GOLGA3: variants seen among roughly 807,000 people sequenced by gnomAD.
GOLGA3 encodes the protein golgin A3.
GOLGA3 carries 75 observed loss-of-function variants against 169.4 expected under a neutral mutation model. That is an observed-to-expected ratio of 0.44 (90% CI 0.37 to 0.54). The LOEUF is 0.54. Ranked by LOEUF, GOLGA3 falls within the 20% of genes least tolerant of loss-of-function variation. The pLI, the probability that GOLGA3 is intolerant of heterozygous loss-of-function variation, is 0.00. For missense variants in GOLGA3, 1,899 were observed against 1,930.0 expected, an observed-to-expected ratio of 0.98 and a Z score of 0.30; for synonymous variants, 824 against 822.4, an observed-to-expected ratio of 1.00 and a Z score of -0.03.
rs764198084 is a variant in GOLGA3 at position 132,801,899 on chromosome 12, C to T, written c.1668G>A (p.Thr556=). The stretch of plus-strand genomic sequence containing the variant: ...GCGACGCCTTCAGCTTGCTGGTCAG[C>T]GTCGTCCGCTCCAGCTGCACCTGCT... The part of the protein sequence containing the change: ...QLQQVQLERT[T]LTSKLKASQA... The change falls in exon 8 of 24, where the codon ACG becomes ACA. Residue 556 remains threonine, a synonymous_variant. Coordinates refer to ENST00000450791, the MANE Select transcript of GOLGA3 (RefSeq NM_001389683.1). 6.9e-6 allele frequency: 11 copies of T among 1,602,810 alleles called. No individual in the cohort carries two copies. Among genetic ancestry groups the T allele is most frequent in the African/African-American group, 4.0e-5 (3 of 74,950 alleles).
rs1857724757 is a variant in GOLGA3, at chr12:132,777,210, G to GC, written c.3723-121dup. The GC allele has an allele frequency of 7.6e-6, 8 of 1,057,234 alleles. No homozygotes were observed. Among genetic ancestry groups the GC allele is most frequent in the East Asian group, 7.4e-5 (3 of 40,422 alleles). 65.5% of individuals were successfully genotyped at this position (1,057,234 alleles called of 1,614,324 possible). ...CCTGGCAGGCCCTCTGCTGTGCACT[G>GC]CGTGCTGCAGCCATGCTTGGTGCCC... On this transcript the variant is annotated intron_variant, in intron 19 of 23. Coordinates refer to ENST00000450791, the MANE Select transcript of GOLGA3 (RefSeq NM_001389683.1). This position sits in a 1 kb window ranked among gnomAD's most constrained non-coding sequence, Gnocchi z 4.7.
chr12:132,774,279 G>C lies in GOLGA3; in HGVS notation c.4185C>G (p.Ala1395=), dbSNP rs776852800. Residue 1395 remains alanine (A), a synonymous_variant, in exon 23 of 24, where the codon GCC becomes GCG. Transcript: ENST00000450791. ...PKGEASSSNP[A]TPIKIPDCPV... ...GGCAGTCCGGGATCTTGATGGGCGT[G>C]GCAGGGTTGGAAGAGCTGGCCTCGC... is the stretch of plus-strand genomic sequence containing the variant. 9 of 1,612,860 alleles carry C rather than the reference G, an allele frequency of 5.6e-6. No homozygotes were observed. Among genetic ancestry groups the C allele is most frequent in the Non-Finnish European group, 4.2e-6 (5 of 1,180,036 alleles).
At chr12:132,826,465 G>A (rs774780413) in intron 1 of GOLGA3, among the ~76,000 whole-genome samples, 1 of 151,440 alleles carries the variant, frequency 6.6e-6, no homozygotes, top group Non-Finnish European at 1.5e-5. Flanking sequence ...AGCCAAAGAC[G>A]CTCAGGTTCC....
chr12:132,825,207 A>C (rs757639099), intron 1 of GOLGA3, among the ~76,000 whole-genome samples: 1 of 152,126 alleles, frequency 6.6e-6, no homozygotes, highest in South Asian at 2.1e-4. Flanking sequence ...CTACGCGTGC[A>C]GACCCTCCTG....
chr12:132,804,585 C>G lies in GOLGA3; in HGVS notation c.1597+131G>C. 1.4e-6 allele frequency: 1 copy of G among 732,444 alleles called. No individual in the cohort carries two copies. The highest frequency in any genetic ancestry group is 2.3e-6 in the Non-Finnish European group (1 of 441,596). 45.4% of individuals were successfully genotyped at this position (732,444 alleles called of 1,614,324 possible). On this transcript the variant is annotated intron_variant, in intron 7 of 23. Coordinates refer to ENST00000450791, the MANE Select transcript of GOLGA3 (RefSeq NM_001389683.1). The surrounding 1 kb of genome is among the most constrained non-coding windows in gnomAD (Gnocchi z 4.1). ...GAAGGAGGGAGCAGCGGGGACCAGTCGAGGAAGGAGGAGGGAGCAGCAAGG... is the reference window on the plus strand; with the variant it reads ...GAAGGAGGGAGCAGCGGGGACCAGTGGAGGAAGGAGGAGGGAGCAGCAAGG...
chr12:132,820,568 G>C (rs189509075), intron 2 of GOLGA3, among the ~76,000 whole-genome samples: 1 of 152,242 alleles, frequency 6.6e-6, no homozygotes, highest in East Asian at 1.9e-4. Flanking sequence ...TCATTTTACA[G>C]GAATTAGACT....
At chr12:132,814,755 G>A (rs768548095) in intron 3 of GOLGA3, among the ~76,000 whole-genome samples, 2 of 152,208 alleles carry the variant, frequency 1.3e-5, no homozygotes. Context: ...ACTCCAATCC[G>A]AGGTCATGCT....
rs772802956 is a variant in GOLGA3 at position 132,773,240 on chromosome 12, G to A, written c.4362C>T (p.His1454=). ...RQMEEHALTV[H]ESLSSWTPLE... is the part of the protein sequence containing the mutation. ...GCGGCGTCCACGAGGACAGAGACTC[G>A]TGCACCGTCAGGGCGTGCTCCTCCA... Residue 1454 remains histidine (H), a synonymous_variant, in exon 24 of 24, where the codon CAC becomes CAT. Transcript: ENST00000450791. The A allele has an allele frequency of 1.4e-5, 21 of 1,549,340 alleles. No individual in the cohort carries two copies. The highest frequency in any genetic ancestry group is 3.5e-5 in the South Asian group (3 of 84,992).
rs771777645 is a variant in GOLGA3 at position 132,776,748 on chromosome 12, A to C, written c.3864T>G (p.Asn1288Lys). The C allele has an allele frequency of 1.7e-5, 28 of 1,613,816 alleles. 1 individual carries two copies. Among genetic ancestry groups the C allele is most frequent in the Non-Finnish European group, 2.4e-5 (28 of 1,179,992 alleles). Residue 1288 changes from asparagine (N) to lysine (K), a missense_variant, in exon 21 of 24, where the codon AAT becomes AAG. Physicochemically the swap from Asn to Lys is moderately conservative, Grantham distance 94. Coordinates refer to ENST00000450791, the MANE Select transcript of GOLGA3 (RefSeq NM_001389683.1). Reference protein sequence around the residue: ...KQPVGNQEMENLKWEVDQKER... With the variant: ...KQPVGNQEMEKLKWEVDQKER... ...CTTTCTGATCCACCTCCCATTTGAG[A>C]TTTTCCATCTAAAGAGGGGAAAGTC...
chr12:132,782,537 G>C, intron 16 of GOLGA3, 44 bp from the exon 17 acceptor site: 1 of 1,462,512 alleles, frequency 6.8e-7, no homozygotes, highest in Non-Finnish European at 9.6e-7. Context: ...GCACTGGTGA[G>C]TGGAGTTCAC....
chr12:132,774,812 G>A (rs1394581524), intron 22 of GOLGA3: 11 of 467,536 alleles, frequency 2.4e-5, no homozygotes, highest in Non-Finnish European at 4.1e-5. Flanking sequence ...ACAGAAAACC[G>A]CCGGGCGCCT....
intron 18 of GOLGA3, among the ~76,000 whole-genome samples, chr12:132,780,181 C>A (rs569907581): frequency 6.7e-6 from 1 of 149,382 alleles, no homozygotes; most frequent in Non-Finnish European, 1.5e-5. Context: ...CAGCCCCCCG[C>A]GTGCACACAC....
At position 132,786,562 on chromosome 12, in the gene GOLGA3, T is replaced by C; in HGVS notation, c.2907-7A>G. 2.5e-6 allele frequency: 4 copies of C among 1,610,964 alleles called. No homozygotes were observed. The highest frequency in any genetic ancestry group is 3.4e-6 in the Non-Finnish European group (4 of 1,178,476). ...CTTCTGTTCCGTGATGGCCCTGGGG[T>C]GTCATGAGGGAGACACAGGAGGAAG... On this transcript the variant is annotated splice_polypyrimidine_tract_variant and splice_region_variant and intron_variant, in intron 14 of 23. Transcript: ENST00000450791.
At chr12:132,810,585 G>A (rs1006255005) in intron 4 of GOLGA3, among the ~76,000 whole-genome samples, 2 of 148,710 alleles carry the variant, frequency 1.3e-5, no homozygotes, top group South Asian at 4.4e-4. Flanking sequence ...AGGAGCTGAG[G>A]GGACACAGTG....
At chr12:132,782,562 G>T in intron 16 of GOLGA3, 69 bp from the exon 17 acceptor site, 1 of 1,273,148 alleles carries the variant, frequency 7.9e-7, no homozygotes, top group Non-Finnish European at 1.1e-6. Flanking sequence ...CCCAGAAACA[G>T]GTGAGTTTTC....
At chr12:132,805,676 C>G (rs1320551725) in intron 6 of GOLGA3, among the ~76,000 whole-genome samples, 1 of 152,122 alleles carries the variant, frequency 6.6e-6, no homozygotes, top group Non-Finnish European at 1.5e-5. Flanking sequence ...AAAAAGGCGA[C>G]TTTCCAAACA....
intron 1 of GOLGA3, among the ~76,000 whole-genome samples, chr12:132,824,950 G>A (rs888414742): frequency 5.9e-5 from 9 of 152,164 alleles, no homozygotes; most frequent in Non-Finnish European, 5.9e-5. Flanking sequence ...ACAAAACAAG[G>A]GGAGGAGCAT....
At chr12:132,773,357 T>C in intron 23 of GOLGA3, 63 bp from the exon 24 acceptor site, 1 of 1,080,898 alleles carries the variant, frequency 9.3e-7, no homozygotes, top group Non-Finnish European at 1.3e-6. Flanking sequence ...ACGCGCCACC[T>C]GTGGACAGCG....
At chr12:132,788,188 G>C (rs367948647) in intron 13 of GOLGA3, among the ~76,000 whole-genome samples, 14 of 152,168 alleles carry the variant, frequency 9.2e-5, no homozygotes, top group African/African-American at 3.1e-4. Context: ...TTCCAACAAT[G>C]ATGGTGCCGG....
Sources: allele counts gnomAD v4.1 joint callset (sites outside exome capture counted in the v4.1 genomes callset), GRCh38; gene constraint gnomAD v4.1.1; non-coding constraint Gnocchi (gnomAD v3.1); transcripts MANE v1.5; gene names NCBI Gene and HGNC (gene_info 2026-07-23, HGNC 2026-07-21).